The following FILIP1 variants were observed in gnomAD, a reference collection of about 807,000 sequenced individuals.
FILIP1 encodes filamin A interacting protein 1, also known as filamin-A-interacting protein 1.
FILIP1 carries 61 observed loss-of-function variants against 102.1 expected under a neutral mutation model. That is an observed-to-expected ratio of 0.60 (90% confidence interval 0.49 to 0.74). The LOEUF (loss-of-function observed/expected upper bound fraction) is 0.74. Ranked by LOEUF, FILIP1 falls within the 30% of genes least tolerant of loss-of-function variation. The pLI is 0.00. For synonymous variants in FILIP1, 491 were observed against 526.9 expected, an observed-to-expected ratio of 0.93 and a Z score of 0.93; for missense variants, 1,314 against 1,441.2, an observed-to-expected ratio of 0.91 and a Z score of 1.43.
intron 1 of FILIP1, among the ~76,000 whole-genome samples, chr6:75,415,359 A>T (rs1454546231): frequency 6.6e-6 from 1 of 152,032 alleles, no homozygotes; most frequent in Non-Finnish European, 1.5e-5. Context: ...CTTTGTAATA[A>T]TGTTAGGAAT....
At chr6:75,405,941 T>C (rs973812072) in intron 2 of FILIP1, among the ~76,000 whole-genome samples, 5 of 152,182 alleles carry the variant, frequency 3.3e-5, no homozygotes, top group Non-Finnish European at 5.9e-5. Flanking sequence ...ACTGACATAT[T>C]GATTCTCTGA....
chr6:75,450,539 C>T (rs1778592852), intron 1 of FILIP1, among the ~76,000 whole-genome samples: 1 of 151,290 alleles, frequency 6.6e-6, no homozygotes, highest in Non-Finnish European at 1.5e-5. Context: ...GTCCCAGCTA[C>T]TGAGGAGGCT....
intron 2 of FILIP1, among the ~76,000 whole-genome samples, chr6:75,375,996 G>T (rs1208592357): frequency 2.0e-5 from 3 of 152,052 alleles, no homozygotes; most frequent in South Asian, 2.1e-4. Flanking sequence ...TAATTTTAAG[G>T]GTTTGGGCAC....
At chr6:75,459,261 T>C (rs1026007863) in intron 1 of FILIP1, among the ~76,000 whole-genome samples, 4 of 152,198 alleles carry the variant, frequency 2.6e-5, no homozygotes, top group African/African-American at 7.2e-5. Flanking sequence ...TACTGAAATA[T>C]TTTCTTAAAT....
intron 1 of FILIP1, among the ~76,000 whole-genome samples, chr6:75,431,583 G>C (rs1777823750): frequency 6.6e-6 from 1 of 152,126 alleles, no homozygotes; most frequent in Non-Finnish European, 1.5e-5. Flanking sequence ...TCGTTCATAT[G>C]CTGTCATCTA....
At chr6:75,374,240 A>G (rs1194668276) in intron 2 of FILIP1, among the ~76,000 whole-genome samples, 2 of 152,196 alleles carry the variant, frequency 1.3e-5, no homozygotes, top group Non-Finnish European at 2.9e-5. Flanking sequence ...CCTACAGTGT[A>G]TAATTTCTTA....
At chr6:75,370,996 T>C (rs1775500690) in intron 2 of FILIP1, among the ~76,000 whole-genome samples, 1 of 152,184 alleles carries the variant, frequency 6.6e-6, no homozygotes, top group Non-Finnish European at 1.5e-5. Context: ...TCATACAAAT[T>C]GAATTATACT....
chr6:75,433,575 C>A (rs1777903263), intron 1 of FILIP1, among the ~76,000 whole-genome samples: 1 of 151,950 alleles, frequency 6.6e-6, no homozygotes, highest in Non-Finnish European at 1.5e-5. Context: ...GGATATTAGC[C>A]CTTTGTAAGA....
intron 2 of FILIP1, among the ~76,000 whole-genome samples, chr6:75,383,390 A>C (rs1279348133): frequency 6.6e-6 from 1 of 152,206 alleles, no homozygotes; most frequent in Non-Finnish European, 1.5e-5. Flanking sequence ...TTCTGCATAA[A>C]TGAGTTTGAA....
In FILIP1 at chr6:75,419,829, G is replaced by A. The variant is rs151141573; in HGVS notation, c.-6-4851C>T. 3.3e-4 allele frequency among the ~76,000 whole-genome samples: 51 copies of A among 152,256 alleles called. No homozygotes were observed. In the East Asian group the frequency reaches 7.7e-3, roughly 23 times the overall value. On this transcript the variant is annotated intron_variant, in intron 1 of 5. Coordinates refer to ENST00000237172, the MANE Select transcript of FILIP1 (RefSeq NM_015687.5). ...TCCGCATATAAATATCCCAACTCAC[G>A]AAATGTTCAAACATTTCTCATGAGG...
At chr6:75,383,105 C>G (rs1033265327) in intron 2 of FILIP1, among the ~76,000 whole-genome samples, 2 of 152,040 alleles carry the variant, frequency 1.3e-5, no homozygotes, top group African/African-American at 4.8e-5. Context: ...CTCTTTAAAA[C>G]TGGAGCTCTG....
At chr6:75,407,523 A>G (rs1213882436) in intron 2 of FILIP1, among the ~76,000 whole-genome samples, 1 of 152,090 alleles carries the variant, frequency 6.6e-6, no homozygotes, top group African/African-American at 2.4e-5. Context: ...ACCGCGCCCG[A>G]CCTTATAAAT....
At chr6:75,485,397 T>C (rs1779754996) in intron 1 of FILIP1, among the ~76,000 whole-genome samples, 2 of 152,186 alleles carry the variant, frequency 1.3e-5, no homozygotes. Flanking sequence ...GCTAGTATAG[T>C]TGTGACAAGT....
chr6:75,309,655 C>T (rs1370987966), intron 5 of FILIP1, among the ~76,000 whole-genome samples: 1 of 152,142 alleles, frequency 6.6e-6, no homozygotes, highest in African/African-American at 2.4e-5. Context: ...TGATGTTCCC[C>T]AGACATCTTA....
intron 2 of FILIP1, among the ~76,000 whole-genome samples, chr6:75,379,886 G>C (rs1207564044): frequency 6.6e-6 from 1 of 151,948 alleles, no homozygotes; most frequent in Non-Finnish European, 1.5e-5. Context: ...GTCTTTATTT[G>C]TCTCCATAGG....
intron 2 of FILIP1, among the ~76,000 whole-genome samples, chr6:75,382,354 G>A (rs1340888567): frequency 2.0e-5 from 3 of 152,126 alleles, no homozygotes; most frequent in South Asian, 2.1e-4. Flanking sequence ...ATGCACTCAC[G>A]GACATCTGTC....
chr6:75,373,424 A>G (rs1775641559), intron 2 of FILIP1, among the ~76,000 whole-genome samples: 2 of 152,206 alleles, frequency 1.3e-5, no homozygotes, highest in East Asian at 1.9e-4. Flanking sequence ...GATGGTTAAA[A>G]TGGTCAATTT....
At chr6:75,419,551 C>T (rs530307277) in intron 1 of FILIP1, among the ~76,000 whole-genome samples, 3 of 152,012 alleles carry the variant, frequency 2.0e-5, no homozygotes, top group Non-Finnish European at 2.9e-5. Context: ...ACAAAAAAGC[C>T]GAGATTTTAC....
chr6:75,482,829 T>C (rs939827295), intron 1 of FILIP1, among the ~76,000 whole-genome samples: 1 of 152,232 alleles, frequency 6.6e-6, no homozygotes, highest in African/African-American at 2.4e-5. Context: ...TGGTCATTAA[T>C]ATTTACTTTC....
Sources: gnomAD v4.1 joint callset for allele counts (sites outside exome capture counted in the v4.1 genomes callset) on GRCh38, gnomAD v4.1.1 for gene constraint, MANE v1.5 for transcripts, NCBI Gene and HGNC (gene_info 2026-07-23, HGNC 2026-07-21) for gene names.